Variants in CTNNA2 observed in about 807,000 individuals in gnomAD.
CTNNA2 encodes catenin alpha-2.
Under a neutral mutation model 101.0 loss-of-function variants are expected in CTNNA2, and 42 were observed. That is an observed-to-expected ratio of 0.42 (90% confidence interval 0.32 to 0.54). The LOEUF (loss-of-function observed/expected upper bound fraction) is 0.54, where lower values mean the gene tolerates loss of function less well. CTNNA2 is among the 20% of genes least tolerant of loss of function. The pLI, the probability that CTNNA2 is intolerant of heterozygous loss-of-function variation, is 0.14. For missense variants in CTNNA2, 871 were observed against 1,223.1 expected (o/e 0.71, Z 4.29); for synonymous variants, 450 against 456.4 (o/e 0.99, Z 0.18).
At chr2:80,048,371 T>C (rs1366884194) in intron 7 of CTNNA2, among the ~76,000 whole-genome samples, 1 of 152,144 alleles carries the variant, frequency 6.6e-6, no homozygotes, top group East Asian at 1.9e-4. Context: ...GGGGCAGTGA[T>C]GATAGAAAGG....
At position 80,602,995 on chromosome 2, in the gene CTNNA2, GTTA is replaced by G. The variant is rs1697684727; in HGVS notation, c.2190-1074_2190-1072del. On this transcript the variant is annotated intron_variant, in intron 15 of 18. Transcript: ENST00000402739. The stretch of plus-strand genomic sequence containing the variant: ...CATTTTGTCTTCTATTTTATAAAAT[GTTA>G]TTATGTAACAATAGCAATCATTGCC... Among the ~76,000 whole-genome samples the G allele has an allele frequency of 3.9e-5, 6 of 152,040 alleles. No homozygotes were observed. The South Asian group carries it at 1.2e-3, about 32-fold the overall frequency.
At chr2:79,994,234 T>G (rs1020644281) in intron 7 of CTNNA2, among the ~76,000 whole-genome samples, 1 of 152,262 alleles carries the variant, frequency 6.6e-6, no homozygotes, top group South Asian at 2.1e-4. Flanking sequence ...TTTATTATGG[T>G]TTAAAAGCAC....
At chr2:80,573,202 G>A (rs1393478819) in intron 12 of CTNNA2, 2 of 152,152 alleles carry the variant, frequency 1.3e-5, no homozygotes, top group Non-Finnish European at 2.9e-5. Flanking sequence ...ATTGTTACAG[G>A]ATAAAAGCTG....
chr2:80,198,417 G>T (rs1483380457), intron 7 of CTNNA2, among the ~76,000 whole-genome samples: 1 of 152,184 alleles, frequency 6.6e-6, no homozygotes, highest in African/African-American at 2.4e-5. Flanking sequence ...TTAAATTAGT[G>T]AAAGGAGTGA....
At chr2:79,814,882 A>C (rs1345139393) in intron 3 of CTNNA2, among the ~76,000 whole-genome samples, 1 of 152,194 alleles carries the variant, frequency 6.6e-6, no homozygotes, top group African/African-American at 2.4e-5. Flanking sequence ...ACTAGTTTAC[A>C]TTCCTACCAG....
intron 7 of CTNNA2, among the ~76,000 whole-genome samples, chr2:80,180,565 G>T (rs928235503): frequency 6.6e-6 from 1 of 152,170 alleles, no homozygotes; most frequent in African/African-American, 2.4e-5. Flanking sequence ...AACTATTCCT[G>T]TTGCATTTAA....
chr2:80,257,050 G>A lies in CTNNA2; in HGVS notation c.1057-136161G>A, dbSNP rs11899683. On this transcript the variant is annotated intron_variant, in intron 7 of 18. Coordinates refer to ENST00000402739, the MANE Select transcript of CTNNA2 (RefSeq NM_001282597.3). The stretch of plus-strand genomic sequence containing the variant: ...TGTTTCCTCTTTAGTTAAAATCGAC[G>A]TATCATGTTTAAAGACTGTCTTTTC... 1.0e-2 allele frequency among the ~76,000 whole-genome samples: 1,517 copies of A among 152,060 alleles called. 23 individuals carry two copies. Among genetic ancestry groups the A allele is most frequent in the African/African-American group, 0.034 (1,407 of 41,498 alleles).
chr2:80,446,512 G>A (rs1027135611), intron 9 of CTNNA2, among the ~76,000 whole-genome samples: 2 of 152,020 alleles, frequency 1.3e-5, no homozygotes, highest in Admixed American at 6.6e-5. Flanking sequence ...ACAAAACATC[G>A]CATGAATTCC....
chr2:79,653,059 C>T (rs1050804321), intron 2 of CTNNA2, among the ~76,000 whole-genome samples: 1 of 152,052 alleles, frequency 6.6e-6, no homozygotes. Flanking sequence ...CATAGGATAA[C>T]AGTTACAGAC....
intron 7 of CTNNA2, among the ~76,000 whole-genome samples, chr2:80,384,625 A>G (rs1676834793): frequency 6.6e-6 from 1 of 151,198 alleles, no homozygotes; most frequent in Admixed American, 6.7e-5. Context: ...GGAAAGAGAG[A>G]TTTGAGGAAC....
chr2:79,614,360 T>A (rs1236069527), intron 1 of CTNNA2, among the ~76,000 whole-genome samples: 1 of 152,150 alleles, frequency 6.6e-6, no homozygotes, highest in East Asian at 1.9e-4. Flanking sequence ...ATCGTTTTTC[T>A]GACATATTAT....
intron 14 of CTNNA2, among the ~76,000 whole-genome samples, chr2:80,586,785 TAC>T (rs1220046195): frequency 6.6e-6 from 1 of 152,214 alleles, no homozygotes; most frequent in East Asian, 1.9e-4. Flanking sequence ...AATTTACACG[TAC>T]ACACGCATAT....
chr2:80,307,929 G>A (rs1187601205), intron 7 of CTNNA2, among the ~76,000 whole-genome samples: 2 of 152,222 alleles, frequency 1.3e-5, no homozygotes, highest in East Asian at 1.9e-4. Flanking sequence ...GGTTATATGA[G>A]TTATGAATCT....
intron 18 of CTNNA2, among the ~76,000 whole-genome samples, chr2:80,627,718 C>A (rs558208259): frequency 9.2e-5 from 14 of 152,200 alleles, no homozygotes; most frequent in African/African-American, 3.4e-4. Context: ...TTAATTAGAT[C>A]CCATTTATCT....
intron 2 of CTNNA2, among the ~76,000 whole-genome samples, chr2:79,305,317 CATATATATACATATATACAT>C (rs1267226302): frequency 6.8e-6 from 1 of 147,066 alleles, no homozygotes; most frequent in African/African-American, 2.5e-5. Flanking sequence ...TATATATACA[CATATATATACATATATACAT>C]ATATACATAC....
intron 2 of CTNNA2, among the ~76,000 whole-genome samples, chr2:79,690,734 T>C (rs911969103): frequency 6.6e-6 from 1 of 151,894 alleles, no homozygotes; most frequent in Non-Finnish European, 1.5e-5. Context: ...GAGCGAGGAT[T>C]TACACCCAGG....
At chr2:80,592,455 T>C (rs2149744049) in intron 15 of CTNNA2, among the ~76,000 whole-genome samples, 1 of 152,326 alleles carries the variant, frequency 6.6e-6, no homozygotes, top group African/African-American at 2.4e-5. Flanking sequence ...GCTTCTGTCC[T>C]AATTTTGTAC....
chr2:80,413,915 C>G (rs572424416), intron 8 of CTNNA2, among the ~76,000 whole-genome samples: 1 of 152,138 alleles, frequency 6.6e-6, no homozygotes, highest in Non-Finnish European at 1.5e-5. Context: ...GAAGTTAACA[C>G]TATTATTCTT....
At chr2:79,860,360 A>G (rs1378947696) in intron 4 of CTNNA2, among the ~76,000 whole-genome samples, 2 of 151,984 alleles carry the variant, frequency 1.3e-5, no homozygotes, top group Non-Finnish European at 2.9e-5. Flanking sequence ...TGAACTGCCT[A>G]CACTCCACAC....
Sources: allele counts gnomAD v4.1 joint callset (sites outside exome capture counted in the v4.1 genomes callset), GRCh38; gene constraint gnomAD v4.1.1; transcripts MANE v1.5; gene names NCBI Gene and HGNC (gene_info 2026-07-23, HGNC 2026-07-21).